The following CEP112 variants were observed in gnomAD, a reference collection of about 807,000 sequenced individuals.
CEP112 encodes centrosomal protein 112, also known as centrosomal protein of 112 kDa.
A neutral mutation model predicts 153.0 loss-of-function variants in CEP112; 127 were observed. The observed-to-expected ratio is 0.83, with a 90% CI of 0.72 to 0.96. CEP112 has a LOEUF of 0.96. Ranked by LOEUF, CEP112 falls within the 40% of genes least tolerant of loss-of-function variation. CEP112 has a pLI of 0.00. For synonymous variants in CEP112, 358 were observed against 374.4 expected (o/e 0.96, Z 0.51); for missense variants, 1,089 against 1,101.2 (o/e 0.99, Z 0.16).
At chr17:65,944,664 A>G (rs2061598057) in intron 18 of CEP112, among the ~76,000 whole-genome samples, 1 of 152,062 alleles carries the variant, frequency 6.6e-6, no homozygotes, top group Non-Finnish European at 1.5e-5. Context: ...ACCATGGCTC[A>G]CTATAACTTC....
At chr17:65,908,442 T>A (rs529171542) in intron 19 of CEP112, among the ~76,000 whole-genome samples, 9 of 152,250 alleles carry the variant, frequency 5.9e-5, no homozygotes, top group African/African-American at 2.2e-4. Context: ...ACGCCTGTAA[T>A]CCCAACACTT....
intron 4 of CEP112, among the ~76,000 whole-genome samples, chr17:66,155,501 T>G (rs1418316791): frequency 6.6e-6 from 1 of 151,848 alleles, no homozygotes; most frequent in African/African-American, 2.4e-5. Flanking sequence ...TAGGAGGTTT[T>G]TTTTTTTTCA....
chr17:66,164,333 G>C (rs1347026526), intron 4 of CEP112, among the ~76,000 whole-genome samples: 1 of 152,048 alleles, frequency 6.6e-6, no homozygotes, highest in African/African-American at 2.4e-5. Context: ...CAAGGCGGGA[G>C]GACCATTTGA....
At chr17:65,734,900 A>G (rs1192260267) in intron 23 of CEP112, among the ~76,000 whole-genome samples, 2 of 152,234 alleles carry the variant, frequency 1.3e-5, no homozygotes, top group East Asian at 3.8e-4. Flanking sequence ...CTATTACACT[A>G]ACATCCATTG....
chr17:66,111,799 A>G (rs2069061324), intron 6 of CEP112, among the ~76,000 whole-genome samples: 1 of 152,170 alleles, frequency 6.6e-6, no homozygotes, highest in Non-Finnish European at 1.5e-5. Context: ...TTACCTATGT[A>G]GCAAACCTTC....
In CEP112 at chr17:66,171,048, T is replaced by C. The variant is rs562261383; in HGVS notation, c.470+3996A>G. Among the ~76,000 whole-genome samples, 211 of 152,268 alleles carry C rather than the reference T, an allele frequency of 1.4e-3. 1 individual carries two copies. The highest frequency in any genetic ancestry group is 6.8e-3 in the Middle Eastern group (2 of 294). Reference sequence around the variant, plus strand: ...GCGTGAGAATAAGCCAGATGGAGTATGACCTCACCATACTTCTAACAAGTT... The same window carrying C: ...GCGTGAGAATAAGCCAGATGGAGTACGACCTCACCATACTTCTAACAAGTT... On this transcript the variant is annotated intron_variant, in intron 4 of 26. Transcript: ENST00000535342.
chr17:65,774,086 C>A (rs867943381), intron 21 of CEP112, among the ~76,000 whole-genome samples: 368 of 125,490 alleles, frequency 2.9e-3, no homozygotes, highest in South Asian at 4.5e-3. Context: ...GGCTCCATCT[C>A]AAAAAAAAAA....
intron 20 of CEP112, among the ~76,000 whole-genome samples, chr17:65,861,812 C>A (rs946602551): frequency 1.3e-5 from 2 of 152,152 alleles, no homozygotes; most frequent in African/African-American, 2.4e-5. Context: ...CGTGATAAAA[C>A]CCTACTGTAA....
At chr17:65,727,035 T>C (rs1293727673) in intron 23 of CEP112, among the ~76,000 whole-genome samples, 1 of 152,230 alleles carries the variant, frequency 6.6e-6, no homozygotes, top group Non-Finnish European at 1.5e-5. Context: ...CCAAAGGTTA[T>C]GTGCATTTGA....
intron 24 of CEP112, among the ~76,000 whole-genome samples, chr17:65,686,620 T>C (rs1052913799): frequency 6.6e-6 from 1 of 152,232 alleles, no homozygotes; most frequent in Non-Finnish European, 1.5e-5. Context: ...TCAGTTGACC[T>C]TCAGTGACAA....
intron 23 of CEP112, among the ~76,000 whole-genome samples, chr17:65,730,073 G>A (rs566441585): frequency 1.3e-5 from 2 of 152,264 alleles, no homozygotes; most frequent in South Asian, 2.1e-4. Context: ...TCACATATTC[G>A]TGTATTCGCT....
At chr17:65,848,428 T>C (rs1469803132) in intron 21 of CEP112, among the ~76,000 whole-genome samples, 1 of 152,168 alleles carries the variant, frequency 6.6e-6, no homozygotes, top group East Asian at 1.9e-4. Flanking sequence ...TCTATTTCCA[T>C]AAAAATGCAT....
chr17:65,678,275 T>C (rs940120449), intron 24 of CEP112, among the ~76,000 whole-genome samples: 5 of 152,138 alleles, frequency 3.3e-5, no homozygotes, highest in Admixed American at 1.3e-4. Context: ...CATAAACATA[T>C]ATATTCCTTT....
intron 21 of CEP112, among the ~76,000 whole-genome samples, chr17:65,791,647 G>C (rs1291189847): frequency 6.6e-6 from 1 of 152,030 alleles, no homozygotes; most frequent in East Asian, 1.9e-4. Context: ...AACCCCTAAA[G>C]AGTTTCTATA....
intron 12 of CEP112, among the ~76,000 whole-genome samples, chr17:66,047,866 C>T (rs1224608117): frequency 6.6e-6 from 1 of 152,100 alleles, no homozygotes; most frequent in Non-Finnish European, 1.5e-5. Context: ...TACAATCATC[C>T]CTTGCCATCT....
At chr17:65,810,737 A>G (rs138395927) in intron 21 of CEP112, among the ~76,000 whole-genome samples, 12 of 152,062 alleles carry the variant, frequency 7.9e-5, no homozygotes, top group Non-Finnish European at 1.6e-4. Context: ...TGTATCAGAG[A>G]GAAAAATATT....
At chr17:65,653,929 C>G (rs1436364457) in intron 24 of CEP112, among the ~76,000 whole-genome samples, 1 of 151,130 alleles carries the variant, frequency 6.6e-6, no homozygotes, top group Non-Finnish European at 1.5e-5. Flanking sequence ...CGTGGTGGTG[C>G]GCACCTGTAG....
intron 23 of CEP112, among the ~76,000 whole-genome samples, chr17:65,726,261 C>T (rs1598408218): frequency 6.6e-6 from 1 of 151,990 alleles, no homozygotes; most frequent in Non-Finnish European, 1.5e-5. Context: ...ATCGTTTGAA[C>T]CCGGGAGGCA....
intron 21 of CEP112, among the ~76,000 whole-genome samples, chr17:65,784,822 A>G (rs1048879144): frequency 2.0e-5 from 3 of 152,128 alleles, no homozygotes; most frequent in Non-Finnish European, 4.4e-5. Flanking sequence ...TATAATTCAC[A>G]TATCATAAAG....
Sources: gnomAD v4.1 joint callset for allele counts (sites outside exome capture counted in the v4.1 genomes callset) on GRCh38, gnomAD v4.1.1 for gene constraint, MANE v1.5 for transcripts, NCBI Gene and HGNC (gene_info 2026-07-23, HGNC 2026-07-21) for gene names.